Variants in DNAJB1 observed in about 807,000 individuals in gnomAD.
The protein encoded by DNAJB1 is dnaJ homolog subfamily B member 1.
In DNAJB1, 14 loss-of-function variants were observed where a neutral mutation model predicts 24.0. That is an observed-to-expected ratio of 0.58 (90% CI 0.39 to 0.91). The LOEUF (loss-of-function observed/expected upper bound fraction) is 0.91, where lower values mean the gene tolerates loss of function less well. DNAJB1 is among the 40% of genes least tolerant of loss of function. The pLI, the probability that DNAJB1 is intolerant of heterozygous loss-of-function variation, is 0.00. For missense variants in DNAJB1, 517 were observed against 458.1 expected, an observed-to-expected ratio of 1.13 and a Z score of -1.17; for synonymous variants, 262 against 174.4, an observed-to-expected ratio of 1.50 and a Z score of -3.96.
intron 1 of DNAJB1, among the ~76,000 whole-genome samples, chr19:14,546,519 A>C (rs534611790): frequency 2.6e-5 from 4 of 152,246 alleles, no homozygotes; most frequent in African/African-American, 9.6e-5. Flanking sequence ...CCCGGGAGGC[A>C]GAGGTTGTAG....
intron 1 of DNAJB1, among the ~76,000 whole-genome samples, chr19:14,546,587 C>CA (rs2073314402): frequency 6.6e-6 from 1 of 152,304 alleles, no homozygotes; most frequent in South Asian, 2.1e-4. Flanking sequence ...ACAGGGCTCT[C>CA]ACTATCTTGG....
chr19:14,530,553 T>G (rs2072601130), upstream of DNAJB1: 1 of 152,182 alleles, frequency 6.6e-6, no homozygotes, highest in Non-Finnish European at 1.5e-5. Context: ...TCTGTTACCT[T>G]GTATAAGAAC....
chr19:14,518,370 C>A lies in DNAJB1; in HGVS notation c.-21G>T, dbSNP rs1442302208. 2 of 1,531,550 alleles carry A rather than the reference C, an allele frequency of 1.3e-6. No homozygotes were observed. Among genetic ancestry groups the A allele is most frequent in the Non-Finnish European group, 1.7e-6 (2 of 1,149,232 alleles). The allele number at this position is 1,531,550 out of a possible 1,614,324, so 94.9% of individuals were successfully genotyped here. ...CCCATGACCCCCTCCTGCGGCCCGC[C>A]GACCCGCTGTCGCCGTCCCCCGGCT... On this transcript the variant is annotated 5_prime_UTR_variant, in exon 1 of 3. Coordinates refer to ENST00000254322, the MANE Select transcript of DNAJB1 (RefSeq NM_006145.3).
intron 1 of DNAJB1, among the ~76,000 whole-genome samples, chr19:14,543,466 T>C (rs2073196823): frequency 9.3e-6 from 1 of 107,358 alleles, no homozygotes; most frequent in Non-Finnish European, 1.8e-5. Flanking sequence ...TGAGACGGAG[T>C]CTCGCTCTGT....
Position 14,516,143 on chromosome 19 carries a change from G to T in DNAJB1, c.820C>A (p.Pro274Thr). Residue 274 changes from proline (P) to threonine (T), a missense_variant, in exon 3 of 3, where the codon CCC (proline) becomes ACC (threonine). By Grantham distance (38) the Pro-to-Thr change is conservative. Coordinates refer to ENST00000254322, the MANE Select transcript of DNAJB1 (RefSeq NM_006145.3). Reference sequence around the variant, plus strand: ...GGTATCGTCCTGCCGTCCAGAGTGGGGACGTTCACTGTGCAGCCACACAGA... The same window carrying T: ...GGTATCGTCCTGCCGTCCAGAGTGGTGACGTTCACTGTGCAGCCACACAGA... The part of the protein sequence containing the change: ...EALCGCTVNV[P>T]TLDGRTIPVV... 1 of 1,613,394 alleles carries T rather than the reference G, an allele frequency of 6.2e-7. No homozygotes were observed. Among genetic ancestry groups the T allele is most frequent in the East Asian group, 2.2e-5 (1 of 44,878 alleles).
upstream of DNAJB1, among the ~76,000 whole-genome samples, chr19:14,552,333 C>T (rs1400227936): frequency 1.3e-5 from 2 of 150,424 alleles, no homozygotes; most frequent in South Asian, 4.3e-4. Flanking sequence ...CGTGCCCGGC[C>T]TGCCTTTTCC....
intron 1 of DNAJB1, among the ~76,000 whole-genome samples, chr19:14,539,816 C>T (rs999526190): frequency 6.6e-6 from 1 of 152,102 alleles, no homozygotes; most frequent in Non-Finnish European, 1.5e-5. Context: ...AACCCCTTGC[C>T]TGTCACCCTG....
At chr19:14,525,501 G>A (rs1464802024) in intron 2 of DNAJB1, among the ~76,000 whole-genome samples, 2 of 151,718 alleles carry the variant, frequency 1.3e-5, no homozygotes, top group East Asian at 3.9e-4. Context: ...ATGAGCTACG[G>A]ATACAAAAAA....
At chr19:14,548,864 C>T (rs1041885029) in intron 1 of DNAJB1, among the ~76,000 whole-genome samples, 11 of 152,080 alleles carry the variant, frequency 7.2e-5, no homozygotes, top group South Asian at 2.1e-4. Flanking sequence ...CGGGAGCCAC[C>T]GCATCCAACC....
chr19:14,533,236 C>T (rs2072739715), upstream of DNAJB1, among the ~76,000 whole-genome samples: 1 of 152,128 alleles, frequency 6.6e-6, no homozygotes, highest in African/African-American at 2.4e-5. Flanking sequence ...GCCTGGCCAA[C>T]ATGATGAAAC....
At chr19:14,530,704 T>G (rs1246590677), upstream of DNAJB1, 1 of 152,222 alleles carries the variant, frequency 6.6e-6, no homozygotes, top group African/African-American at 2.4e-5. Flanking sequence ...TATGCCATGC[T>G]GGTCCTCAAA....
chr19:14,546,286 C>CT (rs2073304864), intron 1 of DNAJB1, among the ~76,000 whole-genome samples: 2 of 150,082 alleles, frequency 1.3e-5, no homozygotes, highest in South Asian at 4.2e-4. Context: ...TTTTTTTGCT[C>CT]TGAGAAAACT....
Position 14,518,393 on chromosome 19 carries a change from G to T in DNAJB1, c.-44C>A. 1 of 1,513,776 alleles carries T rather than the reference G, an allele frequency of 6.6e-7. No individual in the cohort carries two copies. Among genetic ancestry groups the T allele is most frequent in the African/African-American group, 1.4e-5 (1 of 71,444 alleles). The allele number at this position is 1,513,776 out of a possible 1,614,324, so 93.8% of individuals were successfully genotyped here. Reference sequence around the variant, plus strand: ...GCCGACCCGCTGTCGCCGTCCCCCGGCTCCGCCGCCGACCAGTCCCGGACT... The same window carrying T: ...GCCGACCCGCTGTCGCCGTCCCCCGTCTCCGCCGCCGACCAGTCCCGGACT... On this transcript the variant is annotated 5_prime_UTR_variant, in exon 1 of 3. Transcript: ENST00000254322.
chr19:14,542,826 G>A (rs2073148508), intron 1 of DNAJB1, among the ~76,000 whole-genome samples: 1 of 152,004 alleles, frequency 6.6e-6, no homozygotes, highest in Admixed American at 6.6e-5. Flanking sequence ...AGGTGTAAAG[G>A]CCCTCTCTGT....
At chr19:14,556,897 G>A (rs931876962) in intron 1 of DNAJB1, among the ~76,000 whole-genome samples, 14 of 152,020 alleles carry the variant, frequency 9.2e-5, no homozygotes, top group African/African-American at 3.1e-4. Context: ...GGGTCAGCTC[G>A]GCCTCTGCAC....
intron 1 of DNAJB1, chr19:14,517,812 C>T: frequency 4.0e-6 from 1 of 251,630 alleles, no homozygotes; most frequent in Non-Finnish European, 7.6e-6. Flanking sequence ...CCGCAGCGGG[C>T]TCCGCCGCGC....
At chr19:14,547,067 T>A (rs2146591870) in intron 1 of DNAJB1, among the ~76,000 whole-genome samples, 1 of 152,270 alleles carries the variant, frequency 6.6e-6, no homozygotes, top group South Asian at 2.1e-4. Flanking sequence ...ACATGTATTA[T>A]AATAAGATCC....
At chr19:14,551,753 A>G (rs1277983124), upstream of DNAJB1, among the ~76,000 whole-genome samples, 2 of 151,960 alleles carry the variant, frequency 1.3e-5, no homozygotes, top group Non-Finnish European at 2.9e-5. Context: ...TCCTCAGGCC[A>G]GGCAGAGAGG....
chr19:14,518,575 G>A (rs2072321951), upstream of DNAJB1, among the ~76,000 whole-genome samples: 1 of 151,884 alleles, frequency 6.6e-6, no homozygotes, highest in Admixed American at 6.6e-5. Flanking sequence ...CCCGCGCGGG[G>A]CCACGCCCCC....
Sources: allele counts gnomAD v4.1 joint callset (sites outside exome capture counted in the v4.1 genomes callset), GRCh38; gene constraint gnomAD v4.1.1; transcripts MANE v1.5; gene names NCBI Gene and HGNC (gene_info 2026-07-23, HGNC 2026-07-21).